NCOR2: variants seen among roughly 807,000 people sequenced by gnomAD.
NCOR2 encodes CTG repeat protein 26.
A neutral mutation model predicts 262.9 loss-of-function variants in NCOR2; 81 were observed. The observed-to-expected ratio is 0.31, with a 90% CI of 0.26 to 0.37. The LOEUF (loss-of-function observed/expected upper bound fraction) is 0.37. NCOR2 is among the 10% of genes least tolerant of loss of function. The pLI is 1.00. For missense variants in NCOR2, 3,385 were observed against 3,621.4 expected, an observed-to-expected ratio of 0.93 and a Z score of 1.68; for synonymous variants, 1,659 against 1,559.3, an observed-to-expected ratio of 1.06 and a Z score of -1.51.
Position 124,504,584 on chromosome 12 carries a change from G to C in NCOR2, c.-117-9216C>G, listed in dbSNP as rs979397264. On this transcript the variant is annotated intron_variant, in intron 1 of 46. Coordinates refer to the NCOR2 transcript ENST00000404621. The surrounding 1 kb of genome is among the most constrained non-coding windows in gnomAD (Gnocchi z 4.5). ...GTGACAAAACAAACAGAAAGGATTAGAATGCCCACAGCAGCACTATTTACA... is the reference window on the plus strand; with the variant it reads ...GTGACAAAACAAACAGAAAGGATTACAATGCCCACAGCAGCACTATTTACA... Among the ~76,000 whole-genome samples, 1 of 152,186 alleles carries C rather than the reference G, an allele frequency of 6.6e-6. No homozygotes were observed. Among genetic ancestry groups the C allele is most frequent in the Admixed American group, 6.5e-5 (1 of 15,286 alleles).
At position 124,495,246 on chromosome 12, in the gene NCOR2, C is replaced by T. The variant is rs767944281; in HGVS notation, c.6G>A (p.Ser2=). Residue 2 remains serine (S), a synonymous_variant, in exon 1 of 47, where the codon TCG becomes TCA. Coordinates refer to ENST00000405201, the Ensembl canonical transcript of NCOR2. This position sits in a 1 kb window ranked among gnomAD's most constrained non-coding sequence, Gnocchi z 4.4. ...TCTGTGCCACAGGCTGTGTGGATCC[C>T]GACATGGTGGTGGGGGTCGGCGGGG... is the stretch of plus-strand genomic sequence containing the variant. 4 of 1,612,162 alleles carry T rather than the reference C, an allele frequency of 2.5e-6. No individual in the cohort carries two copies. The highest frequency in any genetic ancestry group is 3.3e-5 in the Admixed American group (2 of 59,708).
Position 124,400,518 on chromosome 12 carries a change from TG to T in NCOR2, c.1795del (p.Gln599SerfsTer11). On this transcript the variant is annotated frameshift_variant, in exon 15 of 47. Transcript: ENST00000405201. LOFTEE classifies it high-confidence loss of function. ...CAGCTCACCCAGCTCGGCGCTCTGC[TG>T]GGGGGTGATGGCCTCCTCGCTGTTG... 6.2e-7 allele frequency: 1 copy of T among 1,613,960 alleles called. No homozygotes were observed.
chr12:124,395,537 T>A (rs1222869791), intron 16 of NCOR2, among the ~76,000 whole-genome samples: 2 of 152,196 alleles, frequency 1.3e-5, no homozygotes, highest in African/African-American at 4.8e-5. Context: ...CAGGATGAGC[T>A]CACTGTCATC....
At chr12:124,416,052 C>T (rs776754372) in intron 13 of NCOR2, among the ~76,000 whole-genome samples, 11 of 152,124 alleles carry the variant, frequency 7.2e-5, no homozygotes, top group Admixed American at 2.0e-4. Flanking sequence ...AGCTCGTCAT[C>T]AAAGATCAGA....
At chr12:124,333,857 T>TGG (rs67931845) in intron 41 of NCOR2, among the ~76,000 whole-genome samples, 1 of 9,956 alleles carries the variant, frequency 1.0e-4, no homozygotes, top group African/African-American at 2.3e-4. Flanking sequence ...CGGGTGTGCA[T>TGG]GTGTGTGTGC....
rs1420279479 is a variant in NCOR2 at position 124,548,480 on chromosome 12, TG to T, written c.-164-12870del. On this transcript the variant is annotated intron_variant, in intron 1 of 32. Coordinates refer to the NCOR2 transcript ENST00000458234. The surrounding 1 kb of genome is among the most constrained non-coding windows in gnomAD (Gnocchi z 5.1). ...TCGTCCAAGCCAGACGGCGACAGAGTGGGGGTCCATCATGGTGCCTGGTCTG... is the reference window on the plus strand; with the variant it reads ...TCGTCCAAGCCAGACGGCGACAGAGTGGGGTCCATCATGGTGCCTGGTCTG... Among the ~76,000 whole-genome samples, 1 of 151,928 alleles carries T rather than the reference TG, an allele frequency of 6.6e-6. No individual in the cohort carries two copies. The highest frequency in any genetic ancestry group is 1.5e-5 in the Non-Finnish European group (1 of 67,950).
intron 19 of NCOR2, 47 bp downstream of exon 21, chr12:124,374,366 C>T (rs770173478): frequency 7.5e-6 from 12 of 1,594,706 alleles, no homozygotes; most frequent in South Asian, 3.3e-5. Context: ...TTGGGATGCC[C>T]GCCCCGGCCC....
At chr12:124,336,437 G>T in intron 38 of NCOR2, 1 of 293,220 alleles carries the variant, frequency 3.4e-6, no homozygotes, top group Non-Finnish European at 6.0e-6. Context: ...GTAAAATGAT[G>T]TGCAAATGAT....
chr12:124,347,725 C>A, intron 30 of NCOR2, 100 bp downstream of exon 32: 1 of 1,220,010 alleles, frequency 8.2e-7, no homozygotes, highest in Non-Finnish European at 1.2e-6. Context: ...GCATACTTGT[C>A]CTGAGTTCCC....
intron 1 of NCOR2, among the ~76,000 whole-genome samples, chr12:124,487,746 C>G (rs935777589): frequency 6.6e-6 from 1 of 152,178 alleles, no homozygotes; most frequent in Non-Finnish European, 1.5e-5. Flanking sequence ...TCCTGCTTAA[C>G]AAGAGTCCAA....
chr12:124,427,831 C>T (rs997108950), intron 10 of NCOR2, among the ~76,000 whole-genome samples: 2 of 152,170 alleles, frequency 1.3e-5, no homozygotes, highest in Admixed American at 6.5e-5. Context: ...CTTCCCATGC[C>T]GGCCATGTGC....
At position 124,481,695 on chromosome 12, in the gene NCOR2, C is replaced by T. The variant is rs1159596016; in HGVS notation, c.411+1901G>A. ...AGATGAGGTCAGGGAGGTGACGGGG[C>T]TGGATCACGCCGGACCTGCAGCCCA... On this transcript the variant is annotated intron_variant, in intron 3 of 46. Transcript: ENST00000405201. The surrounding 1 kb of genome is among the most constrained non-coding windows in gnomAD (Gnocchi z 4.6). 5.9e-5 allele frequency among the ~76,000 whole-genome samples: 9 copies of T among 152,118 alleles called. No individual in the cohort carries two copies. The East Asian group carries it at 1.7e-3, about 29-fold the overall frequency.
chr12:124,526,302 G>A (rs2050464602), intron 1 of NCOR2, among the ~76,000 whole-genome samples: 1 of 152,150 alleles, frequency 6.6e-6, no homozygotes, highest in South Asian at 2.1e-4. Flanking sequence ...CAGCACCAGG[G>A]GAATGTGTGA....
chr12:124,335,195 G>T, exon 40 of NCOR2: 1 of 1,611,378 alleles, frequency 6.2e-7, no homozygotes, highest in Non-Finnish European at 8.5e-7. Flanking sequence ...GGGCGGTCTG[G>T]AGCAGCGGGC....
At position 124,463,810 on chromosome 12, in the gene NCOR2, C is replaced by A. The variant is rs375146536; in HGVS notation, c.705+2363G>T. Among the ~76,000 whole-genome samples, 71 of 152,338 alleles carry A rather than the reference C, an allele frequency of 4.7e-4. 1 individual carries two copies. The highest frequency in any genetic ancestry group is 1.5e-3 in the African/African-American group (62 of 41,576). On this transcript the variant is annotated intron_variant, in intron 5 of 46. Transcript: ENST00000405201. Reference sequence around the variant, plus strand: ...GCTTTGGAGGCTCAGAGACTCAGCCCGGGCGGAGGATCCCCACCAGCCCCC... The same window carrying A: ...GCTTTGGAGGCTCAGAGACTCAGCCAGGGCGGAGGATCCCCACCAGCCCCC...
chr12:124,527,040 T>C (rs1352554275), intron 1 of NCOR2, among the ~76,000 whole-genome samples: 4 of 152,350 alleles, frequency 2.6e-5, no homozygotes, highest in Admixed American at 1.3e-4. Context: ...TTGTCCTTAG[T>C]GAAACATGAT....
At chr12:124,356,704 C>A in exon 23 of NCOR2, 2 of 1,490,020 alleles carry the variant, frequency 1.3e-6, no homozygotes, top group Non-Finnish European at 8.9e-7. Flanking sequence ...GATCACCTCA[C>A]GGGGGGGCAC....
At chr12:124,390,587 G>A (rs1314324573) in intron 16 of NCOR2, among the ~76,000 whole-genome samples, 1 of 152,078 alleles carries the variant, frequency 6.6e-6, no homozygotes, top group Non-Finnish European at 1.5e-5. Context: ...TCCGGGGCCT[G>A]CTGAGCACCC....
At chr12:124,326,425 C>A in intron 45 of NCOR2, 55 bp from the exon 48 acceptor site, 1 of 1,405,376 alleles carries the variant, frequency 7.1e-7, no homozygotes, top group Non-Finnish European at 9.2e-7. Context: ...ACAGCACCGA[C>A]GCTACGGTGG....
Sources: gnomAD v4.1 joint callset for allele counts (sites outside exome capture counted in the v4.1 genomes callset) on GRCh38, gnomAD v4.1.1 for gene constraint, Gnocchi (gnomAD v3.1) non-coding constraint, MANE v1.5 for transcripts, NCBI Gene and HGNC (gene_info 2026-07-23, HGNC 2026-07-21) for gene names.